The following CTNNA3 variants were observed in gnomAD, a reference collection of about 807,000 sequenced individuals.
The protein encoded by CTNNA3 is catenin alpha-3.
CTNNA3 carries 76 observed loss-of-function variants against 95.7 expected under a neutral mutation model. That is an observed-to-expected ratio of 0.79 (90% confidence interval 0.66 to 0.96). CTNNA3 has a LOEUF of 0.96. Among genes scored for constraint, CTNNA3 ranks in the 40% least tolerant of loss-of-function variants. The probability of loss-of-function intolerance (pLI) is 0.00; values close to 1 mark genes in which losing one functional copy is unlikely to be tolerated. For missense variants in CTNNA3, 1,191 were observed against 1,089.8 expected (o/e 1.09, Z -1.31); for synonymous variants, 431 against 374.4 (o/e 1.15, Z -1.74).
intron 5 of CTNNA3, among the ~76,000 whole-genome samples, chr10:67,433,793 A>G (rs1179828682): frequency 6.6e-6 from 1 of 152,090 alleles, no homozygotes; most frequent in African/African-American, 2.4e-5. Context: ...TATTCCTTAG[A>G]CACCACTTCG....
intron 7 of CTNNA3, chr10:67,052,795 T>C (rs996593580): frequency 2.0e-5 from 3 of 152,146 alleles, no homozygotes; most frequent in Admixed American, 2.0e-4. Flanking sequence ...AAATCCTTTC[T>C]CTTTTTTTTA....
intron 7 of CTNNA3, among the ~76,000 whole-genome samples, chr10:67,002,232 A>C (rs1339325289): frequency 6.6e-6 from 1 of 152,122 alleles, no homozygotes. Flanking sequence ...ACAATAAGTA[A>C]TTATTTCTTA....
chr10:67,108,118 T>C (rs906532695), intron 7 of CTNNA3, among the ~76,000 whole-genome samples: 8 of 152,320 alleles, frequency 5.3e-5, no homozygotes, highest in African/African-American at 1.9e-4. Flanking sequence ...CTTATAATTA[T>C]TTTTCACTAG....
intron 11 of CTNNA3, among the ~76,000 whole-genome samples, chr10:66,505,385 A>G (rs565347498): frequency 1.3e-5 from 2 of 152,320 alleles, no homozygotes; most frequent in East Asian, 3.9e-4. Flanking sequence ...TGACCTACAT[A>G]AAGCCATGTG....
At chr10:66,369,086 A>G (rs896542568) in intron 12 of CTNNA3, among the ~76,000 whole-genome samples, 1 of 152,166 alleles carries the variant, frequency 6.6e-6, no homozygotes, top group Non-Finnish European at 1.5e-5. Flanking sequence ...AGAATATATT[A>G]CATTTTGCAA....
intron 12 of CTNNA3, among the ~76,000 whole-genome samples, chr10:66,368,829 A>G (rs150425056): frequency 6.6e-6 from 1 of 152,270 alleles, no homozygotes; most frequent in East Asian, 1.9e-4. Flanking sequence ...TCCTCTTTTT[A>G]CATAAGCATT....
intron 11 of CTNNA3, among the ~76,000 whole-genome samples, chr10:66,514,865 A>G (rs1296286399): frequency 6.6e-6 from 1 of 152,008 alleles, no homozygotes; most frequent in East Asian, 1.9e-4. Flanking sequence ...ATGCAAACTG[A>G]CCTCTGAAAA....
At chr10:67,106,350 A>G (rs1406540184) in intron 7 of CTNNA3, among the ~76,000 whole-genome samples, 1 of 152,228 alleles carries the variant, frequency 6.6e-6, no homozygotes, top group Non-Finnish European at 1.5e-5. Flanking sequence ...TGTAATGAAA[A>G]CATGGTTTTG....
chr10:66,314,061 A>G (rs910133235), intron 12 of CTNNA3, among the ~76,000 whole-genome samples: 2 of 152,166 alleles, frequency 1.3e-5, no homozygotes, highest in African/African-American at 4.8e-5. Context: ...TCATACATAC[A>G]TACATAGGAT....
chr10:66,570,275 A>ATTTGTTTTGTTTTGTTTTGTTTTGT (rs59062164), intron 10 of CTNNA3, among the ~76,000 whole-genome samples: 6 of 151,018 alleles, frequency 4.0e-5, no homozygotes, highest in Non-Finnish European at 7.4e-5. Context: ...CAAAAATATG[A>ATTTGTTTTGTTTTGTTTTGTTTTGT]TTTGTTTTGT....
chr10:66,927,252 A>G lies in CTNNA3; in HGVS notation c.1048-151728T>C. 1 of 1,614,154 alleles carries G rather than the reference A, an allele frequency of 6.2e-7. No individual in the cohort carries two copies. Among genetic ancestry groups the G allele is most frequent in the South Asian group, 1.1e-5 (1 of 91,090 alleles). ...CTTTTAATGGAATACGCAGACTCAA[A>G]GAGCTGATTCTTAGTTCCAATAGAA... On this transcript the variant is annotated intron_variant, in intron 7 of 17. Transcript: ENST00000433211. This position sits in a 1 kb window ranked among gnomAD's most constrained non-coding sequence, Gnocchi z 4.7.
chr10:67,221,660 C>T (rs1159807988), intron 5 of CTNNA3, among the ~76,000 whole-genome samples: 5 of 152,020 alleles, frequency 3.3e-5, no homozygotes, highest in South Asian at 2.1e-4. Flanking sequence ...CTGCAAGCTC[C>T]GCCTCCTGGG....
chr10:67,254,293 C>T (rs541547771), intron 5 of CTNNA3, among the ~76,000 whole-genome samples: 129 of 151,426 alleles, frequency 8.5e-4, no homozygotes, highest in African/African-American at 3.0e-3. Flanking sequence ...GAAAAGCCCC[C>T]TAAAAAAAGA....
intron 15 of CTNNA3, among the ~76,000 whole-genome samples, chr10:66,050,733 C>A (rs997610529): frequency 1.3e-5 from 2 of 152,150 alleles, no homozygotes; most frequent in African/African-American, 4.8e-5. Context: ...AATGCTGCTT[C>A]CACTTTCCCA....
At chr10:67,262,459 T>C (rs1866659603) in intron 5 of CTNNA3, among the ~76,000 whole-genome samples, 1 of 152,108 alleles carries the variant, frequency 6.6e-6, no homozygotes, top group African/African-American at 2.4e-5. Context: ...CTAGTGACCA[T>C]GAGATTCCCC....
rs142184968 is a variant in CTNNA3 at position 67,529,894 on chromosome 10, G to T, written c.460-7933C>A. 0.029 allele frequency among the ~76,000 whole-genome samples: 4,415 copies of T among 152,076 alleles called. 447 individuals are homozygous for T. In the East Asian group the frequency reaches 0.36, roughly 13 times the overall value. On this transcript the variant is annotated intron_variant, in intron 4 of 17. Transcript: ENST00000433211. ...TGTCATGGGAGGAACCCGGTGGGAG[G>T]TGATTGAATTATGGGGGCAGGTCTT...
intron 5 of CTNNA3, among the ~76,000 whole-genome samples, chr10:67,369,576 G>A (rs541897241): frequency 1.5e-4 from 23 of 152,102 alleles, no homozygotes; most frequent in Non-Finnish European, 2.8e-4. Flanking sequence ...TCTGGAAAAA[G>A]TGTAATTGCA....
chr10:66,382,301 C>T (rs2092846840), intron 11 of CTNNA3, among the ~76,000 whole-genome samples: 1 of 152,176 alleles, frequency 6.6e-6, no homozygotes, highest in Admixed American at 6.5e-5. Flanking sequence ...CTCAGTGGGT[C>T]CCATGCCCAT....
At chr10:67,184,293 C>G (rs1362209604) in intron 6 of CTNNA3, among the ~76,000 whole-genome samples, 1 of 152,192 alleles carries the variant, frequency 6.6e-6, no homozygotes, top group African/African-American at 2.4e-5. Flanking sequence ...ACTTCCAACT[C>G]TTGGTAGCCA....
Sources: allele counts gnomAD v4.1 joint callset (sites outside exome capture counted in the v4.1 genomes callset), GRCh38; gene constraint gnomAD v4.1.1; non-coding constraint Gnocchi (gnomAD v3.1); transcripts MANE v1.5; gene names NCBI Gene and HGNC (gene_info 2026-07-23, HGNC 2026-07-21).